Variants in EFHB observed in about 807,000 individuals in gnomAD.
EFHB encodes the protein EF-hand domain-containing family member B.
Under a neutral mutation model 87.2 loss-of-function variants are expected in EFHB, and 91 were observed. The observed-to-expected ratio is 1.04, with a 90% CI of 0.88 to 1.24. The LOEUF is 1.24. EFHB is among the 50% of genes most tolerant of loss of function. EFHB has a pLI of 0.00. For synonymous variants in EFHB, 325 were observed against 333.6 expected, an observed-to-expected ratio of 0.97 and a Z score of 0.28; for missense variants, 1,084 against 998.8, an observed-to-expected ratio of 1.09 and a Z score of -1.15.
chr3:19,881,789 T>A (rs1332726715), intron 12 of EFHB, among the ~76,000 whole-genome samples: 2 of 152,072 alleles, frequency 1.3e-5, no homozygotes, highest in Non-Finnish European at 2.9e-5. Context: ...TCCTTTATCA[T>A]TTCTAGCTCC....
chr3:19,908,821 T>C (rs1208457467), intron 5 of EFHB, among the ~76,000 whole-genome samples: 1 of 152,164 alleles, frequency 6.6e-6, no homozygotes, highest in African/African-American at 2.4e-5. Flanking sequence ...TATTTATTGC[T>C]ATCTACATAT....
At chr3:19,888,708 G>A in intron 9 of EFHB, 57 bp from the exon 10 acceptor site, 1 of 1,363,902 alleles carries the variant, frequency 7.3e-7, no homozygotes, top group South Asian at 1.3e-5. Context: ...GAGCAGAGTA[G>A]GCAACATTAT....
At chr3:19,932,109 C>T (rs887705638) in intron 1 of EFHB, among the ~76,000 whole-genome samples, 2 of 152,196 alleles carry the variant, frequency 1.3e-5, no homozygotes, top group African/African-American at 4.8e-5. Flanking sequence ...TTACTCACCA[C>T]GTAGATCCAC....
At chr3:19,933,200 A>G (rs1301157700) in intron 1 of EFHB, 30 bp downstream of exon 1, 2 of 1,589,476 alleles carry the variant, frequency 1.3e-6, no homozygotes, top group Non-Finnish European at 1.7e-6. Flanking sequence ...TACACAGTTT[A>G]GTTCCTATGG....
chr3:19,927,873 T>A (rs1418778299), intron 1 of EFHB, among the ~76,000 whole-genome samples: 1 of 151,630 alleles, frequency 6.6e-6, no homozygotes, highest in Non-Finnish European at 1.5e-5. Context: ...CTGTTTGAGT[T>A]TAACCAAGCT....
chr3:19,891,566 C>G (rs745702363), intron 9 of EFHB, among the ~76,000 whole-genome samples: 2 of 152,132 alleles, frequency 1.3e-5, no homozygotes, highest in East Asian at 1.9e-4. Context: ...CCTTGATAAA[C>G]CTGTTATATT....
At chr3:19,920,638 T>C (rs1695407255) in intron 1 of EFHB, 71 bp from the exon 2 acceptor site, 1 of 1,300,490 alleles carries the variant, frequency 7.7e-7, no homozygotes, top group South Asian at 1.3e-5. Flanking sequence ...GAAATTTATT[T>C]CAAACTTGTC....
At chr3:19,905,479 T>G (rs948174235) in intron 6 of EFHB, 141 bp downstream of exon 6, 1 of 946,226 alleles carries the variant, frequency 1.1e-6, no homozygotes, top group Non-Finnish European at 1.6e-6. Context: ...TACATTACAC[T>G]GTTTTTTCTA....
At chr3:19,892,021 C>T (rs991107413) in intron 9 of EFHB, among the ~76,000 whole-genome samples, 5 of 152,196 alleles carry the variant, frequency 3.3e-5, no homozygotes, top group Non-Finnish European at 7.3e-5. Context: ...CCCCTCCCTC[C>T]TCAGAGCTAT....
chr3:19,896,456 C>T (rs1013282436), intron 9 of EFHB: 13 of 604,742 alleles, frequency 2.1e-5, no homozygotes, highest in African/African-American at 2.0e-4. Context: ...TTTTGAAGGC[C>T]ATACAGTTTT....
At chr3:19,892,855 C>CTAAAATAAAATAAAA (rs202053738) in intron 9 of EFHB, among the ~76,000 whole-genome samples, 85 of 136,958 alleles carry the variant, frequency 6.2e-4, no homozygotes, top group African/African-American at 2.4e-3. Flanking sequence ...AATCTCATCT[C>CTAAAATAAAATAAAA]TAAAATAAAA....
At chr3:19,941,783 G>A (rs912969211) in intron 1 of EFHB, among the ~76,000 whole-genome samples, 3 of 151,734 alleles carry the variant, frequency 2.0e-5, no homozygotes, top group African/African-American at 7.3e-5. Context: ...CTTGAACCCG[G>A]GAGGCAGAGG....
intron 1 of EFHB, among the ~76,000 whole-genome samples, chr3:19,923,273 G>GA (rs200670155): frequency 9.3e-4 from 119 of 127,314 alleles, no homozygotes; most frequent in African/African-American, 1.6e-3. Flanking sequence ...GTCTCAAAAG[G>GA]AAAAAAAAAA....
At chr3:19,924,009 A>G (rs1220694791) in intron 1 of EFHB, among the ~76,000 whole-genome samples, 2 of 152,052 alleles carry the variant, frequency 1.3e-5, no homozygotes, top group Admixed American at 6.5e-5. Context: ...AGGCAGGAGG[A>G]CTGCTGGAGC....
Position 19,918,346 on chromosome 3 carries a change from ATTCTT to A in EFHB, c.1058_1062del (p.Lys353IlefsTer5). 6.2e-7 allele frequency: 1 copy of A among 1,611,624 alleles called. No homozygotes were observed. The highest frequency in any genetic ancestry group is 8.5e-7 in the Non-Finnish European group (1 of 1,179,164). ...GCTCGTCGATTGCTAAGATATATAG[ATTCTT>A]TTTTATCTTTAATTTTCTGTTGAAA... On this transcript the variant is annotated frameshift_variant, in exon 4 of 13. Transcript: ENST00000295824. LOFTEE classifies it high-confidence loss of function.
At chr3:19,885,910 C>G (rs989866286) in intron 10 of EFHB, among the ~76,000 whole-genome samples, 5 of 152,146 alleles carry the variant, frequency 3.3e-5, no homozygotes, top group African/African-American at 1.2e-4. Flanking sequence ...CTCCAAAAGT[C>G]AACAGTAAGA....
At chr3:19,896,496 C>T (rs760473259) in intron 9 of EFHB, 191 bp downstream of exon 9, 1 of 778,666 alleles carries the variant, frequency 1.3e-6, no homozygotes, top group South Asian at 1.5e-5. Context: ...TGTATTCATA[C>T]TGCAAAAGCA....
chr3:19,880,849 T>C (rs531593385), intron 12 of EFHB, among the ~76,000 whole-genome samples: 1 of 151,628 alleles, frequency 6.6e-6, no homozygotes, highest in East Asian at 1.9e-4. Context: ...GAATAAAGTA[T>C]GTGAAAACAA....
intron 5 of EFHB, among the ~76,000 whole-genome samples, chr3:19,910,636 GGACTTGGGTGA>G (rs1371526852): frequency 2.6e-5 from 4 of 152,174 alleles, no homozygotes; most frequent in African/African-American, 9.7e-5. Context: ...GAGTACAGCA[GGACTTGGGTGA>G]GACCAAATGC....
Sources: allele counts gnomAD v4.1 joint callset (sites outside exome capture counted in the v4.1 genomes callset), GRCh38; gene constraint gnomAD v4.1.1; transcripts MANE v1.5; gene names NCBI Gene and HGNC (gene_info 2026-07-23, HGNC 2026-07-21).